Variants in LHPP observed in about 807,000 individuals in gnomAD.
The protein encoded by LHPP is phospholysine phosphohistidine inorganic pyrophosphate phosphatase, also known as hLHPP.
LHPP carries 24 observed loss-of-function variants against 30.3 expected under a neutral mutation model. That is an observed-to-expected ratio of 0.79 (90% CI 0.57 to 1.11). The LOEUF is 1.11. LHPP is among the 50% of genes most tolerant of loss of function. LHPP has a pLI of 0.00. For missense variants in LHPP, 356 were observed against 367.2 expected (o/e 0.97, Z 0.25); for synonymous variants, 150 against 157.1 (o/e 0.95, Z 0.34).
intron 1 of LHPP, among the ~76,000 whole-genome samples, chr10:124,469,171 G>T (rs1340918146): frequency 6.6e-6 from 1 of 152,148 alleles, no homozygotes; most frequent in Admixed American, 6.5e-5. Flanking sequence ...ACCAGCCGCC[G>T]CAGAGGGAAA....
intron 6 of LHPP, among the ~76,000 whole-genome samples, chr10:124,529,162 G>C (rs192219761): frequency 6.6e-6 from 1 of 151,234 alleles, no homozygotes; most frequent in Non-Finnish European, 1.5e-5. Flanking sequence ...CTCCTGAATA[G>C]CTGGGACTAC....
intron 6 of LHPP, among the ~76,000 whole-genome samples, chr10:124,594,329 C>CAAAAAAAAAAAAAAAAAAAAAAAAAAA: frequency 1.3e-5 from 1 of 75,344 alleles, no homozygotes; most frequent in Non-Finnish European, 2.2e-5. Flanking sequence ...GACTCCATCT[C>CAAAAAAAAAAAAAAAAAAAAAAAAAAA]AAAAAAAAAA....
chr10:124,573,887 C>G (rs1161740425), intron 6 of LHPP, among the ~76,000 whole-genome samples: 1 of 152,038 alleles, frequency 6.6e-6, no homozygotes, highest in East Asian at 1.9e-4. Context: ...CACTTGACAC[C>G]CAAACGCTGA....
chr10:124,579,316 C>A (rs980595456), intron 6 of LHPP, among the ~76,000 whole-genome samples: 15 of 152,234 alleles, frequency 9.9e-5, no homozygotes, highest in Non-Finnish European at 2.2e-4. Flanking sequence ...CACTGAGTGC[C>A]GTCCAGTTTC....
Position 124,542,799 on chromosome 10 carries a change from G to A in LHPP, c.716+25528G>A, listed in dbSNP as rs567285855. On this transcript the variant is annotated intron_variant, in intron 6 of 6. Coordinates refer to ENST00000368842, the MANE Select transcript of LHPP (RefSeq NM_022126.4). Reference sequence around the variant, plus strand: ...CCCCTACTCTCCCCTCTGCCCTCTCGCCTCCCCTCACGTTCATGGGGTTTT... The same window carrying A: ...CCCCTACTCTCCCCTCTGCCCTCTCACCTCCCCTCACGTTCATGGGGTTTT... Among the ~76,000 whole-genome samples, 4 of 152,138 alleles carry A rather than the reference G, an allele frequency of 2.6e-5. No homozygotes were observed. The South Asian group carries it at 6.2e-4, about 24-fold the overall frequency.
chr10:124,476,293 C>G (rs997733216), intron 1 of LHPP, among the ~76,000 whole-genome samples: 1 of 152,222 alleles, frequency 6.6e-6, no homozygotes, highest in Non-Finnish European at 1.5e-5. Flanking sequence ...AGGTGCTCAA[C>G]AGCGTCTAGT....
intron 5 of LHPP, among the ~76,000 whole-genome samples, chr10:124,501,822 CT>C (rs1953909997): frequency 1.3e-5 from 2 of 151,704 alleles, no homozygotes; most frequent in Admixed American, 1.3e-4. Flanking sequence ...TTTAAATTTC[CT>C]TGACTGTCTC....
intron 6 of LHPP, among the ~76,000 whole-genome samples, chr10:124,533,167 C>T (rs1195007060): frequency 1.3e-5 from 2 of 152,210 alleles, no homozygotes; most frequent in Admixed American, 1.3e-4. Context: ...CCTCTGCAGG[C>T]ATCTGAGATA....
intron 3 of LHPP, among the ~76,000 whole-genome samples, chr10:124,491,068 G>A (rs1042046024): frequency 7.3e-5 from 11 of 151,510 alleles, no homozygotes; most frequent in African/African-American, 1.2e-4. Flanking sequence ...ACAGGGTTCT[G>A]CACAGCCTAG....
chr10:124,613,081 A>G, intron 6 of LHPP, 183 bp from the exon 7 acceptor site: 2 of 623,350 alleles, frequency 3.2e-6, no homozygotes, highest in East Asian at 2.8e-5. Context: ...AGGAGGGGCC[A>G]TGTGTGCCTG....
intron 6 of LHPP, chr10:124,612,958 G>A: frequency 4.5e-6 from 2 of 448,100 alleles, no homozygotes; most frequent in South Asian, 2.4e-5. Context: ...AAGGTGAGAT[G>A]TCTGTGCTGG....
At chr10:124,547,509 G>A (rs888092560) in intron 6 of LHPP, among the ~76,000 whole-genome samples, 3 of 152,238 alleles carry the variant, frequency 2.0e-5, no homozygotes, top group Non-Finnish European at 2.9e-5. Context: ...CAAATAGGGT[G>A]AGCTTCTGTC....
In LHPP at chr10:124,613,542, C is replaced by T; in HGVS notation, c.*182C>T. 1 of 627,468 alleles carries T rather than the reference C, an allele frequency of 1.6e-6. No homozygotes were observed. The allele number at this position is 627,468 out of a possible 1,614,324, so 38.9% of individuals were successfully genotyped here. A position where few individuals can be genotyped will look rare whatever the true frequency, so the allele number is the denominator to read the frequency against. On this transcript the variant is annotated 3_prime_UTR_variant, in exon 7 of 7. Transcript: ENST00000368842. ...CCAGACCAACCAAGGCCCTGACAGC[C>T]CTGCCTTCTGCCCTCTGCCCTGCAT...
intron 1 of LHPP, among the ~76,000 whole-genome samples, chr10:124,471,802 T>C (rs1160875255): frequency 7.0e-6 from 1 of 141,986 alleles, no homozygotes; most frequent in East Asian, 2.0e-4. Flanking sequence ...GTTTGAATAG[T>C]ATATTATTTT....
At chr10:124,469,368 G>A (rs1194853840) in intron 1 of LHPP, among the ~76,000 whole-genome samples, 1 of 152,008 alleles carries the variant, frequency 6.6e-6, no homozygotes, top group Non-Finnish European at 1.5e-5. Flanking sequence ...TTTATTGAGG[G>A]CCACGGAGCA....
chr10:124,575,654 C>G (rs900185125), intron 6 of LHPP, among the ~76,000 whole-genome samples: 1 of 152,156 alleles, frequency 6.6e-6, no homozygotes, highest in Non-Finnish European at 1.5e-5. Flanking sequence ...GCAGGACTGG[C>G]TGGCCCTTGT....
chr10:124,557,369 G>C (rs1948321518), intron 6 of LHPP, among the ~76,000 whole-genome samples: 1 of 152,226 alleles, frequency 6.6e-6, no homozygotes, highest in Non-Finnish European at 1.5e-5. Flanking sequence ...CTCACCAAAT[G>C]CCTGTTGCAC....
In LHPP at chr10:124,592,933, G is replaced by A. The variant is rs1030343976; in HGVS notation, c.717-20331G>A. On this transcript the variant is annotated intron_variant, in intron 6 of 6. Coordinates refer to ENST00000368842, the MANE Select transcript of LHPP (RefSeq NM_022126.4). The surrounding 1 kb of genome is among the most constrained non-coding windows in gnomAD (Gnocchi z 6.2). ...GGCGCACCGCCCCAGGCAGGCTGGC[G>A]TCCCGGGGGCCAGAATGAATGGACC... is the stretch of plus-strand genomic sequence containing the variant. 5.3e-5 allele frequency among the ~76,000 whole-genome samples: 8 copies of A among 152,232 alleles called. No homozygotes were observed. Among genetic ancestry groups the A allele is most frequent in the Admixed American group, 1.3e-4 (2 of 15,292 alleles).
intron 6 of LHPP, among the ~76,000 whole-genome samples, chr10:124,521,149 G>A (rs1012696356): frequency 6.6e-6 from 1 of 152,128 alleles, no homozygotes; most frequent in Non-Finnish European, 1.5e-5. Flanking sequence ...GGCTGATGGG[G>A]CCTCGCTCTC....
Sources: allele counts gnomAD v4.1 joint callset (sites outside exome capture counted in the v4.1 genomes callset), GRCh38; gene constraint gnomAD v4.1.1; non-coding constraint Gnocchi (gnomAD v3.1); transcripts MANE v1.5; gene names NCBI Gene and HGNC (gene_info 2026-07-23, HGNC 2026-07-21).